RPS6KA6: variants seen among roughly 807,000 people sequenced by gnomAD.
RPS6KA6 encodes the protein ribosomal protein S6 kinase A6, also known as ribosomal protein S6 kinase alpha-6.
A neutral mutation model predicts 65.4 loss-of-function variants in RPS6KA6; 27 were observed. That is an observed-to-expected ratio of 0.41 (90% confidence interval 0.30 to 0.57). The LOEUF is 0.57. Among genes scored for constraint, RPS6KA6 ranks in the 20% least tolerant of loss-of-function variants. RPS6KA6 has a pLI of 0.24. For synonymous variants in RPS6KA6, 190 were observed against 184.2 expected (o/e 1.03, Z -0.26); for missense variants, 486 against 555.6 (o/e 0.87, Z 1.26).
chrX:84,158,341 T>C (rs182729530), intron 2 of RPS6KA6, among the ~76,000 whole-genome samples: 17 of 110,790 alleles, frequency 1.5e-4, no homozygotes, highest in East Asian at 1.4e-3. Context: ...ATATATACAA[T>C]AGAAAATAAA....
At chrX:84,108,145 T>C (rs1292537477) in intron 12 of RPS6KA6, among the ~76,000 whole-genome samples, 1 of 112,061 alleles carries the variant, frequency 8.9e-6, no homozygotes, top group Non-Finnish European at 1.9e-5. Flanking sequence ...TATCAGATAA[T>C]TGAAAATTTA....
chrX:84,132,377 T>TA (rs1446457464), intron 8 of RPS6KA6, among the ~76,000 whole-genome samples: 1 of 110,015 alleles, frequency 9.1e-6, no homozygotes, highest in Non-Finnish European at 1.9e-5. Flanking sequence ...AATAATAATT[T>TA]AAAAAAAGGC....
At chrX:84,127,425 T>C (rs2034815719) in intron 8 of RPS6KA6, among the ~76,000 whole-genome samples, 1 of 111,072 alleles carries the variant, frequency 9.0e-6, no homozygotes. Flanking sequence ...GTTCATAATA[T>C]TCCAAAAAAT....
intron 1 of RPS6KA6, among the ~76,000 whole-genome samples, chrX:84,168,291 C>T (rs1234678655): frequency 2.7e-5 from 3 of 111,762 alleles, no homozygotes; most frequent in East Asian, 2.8e-4. Flanking sequence ...ACATGATTCA[C>T]GTTTACTCAG....
In RPS6KA6 at chrX:84,104,579, G is replaced by C; in HGVS notation, c.1534C>G (p.Gln512Glu). 1 of 1,183,535 alleles carries C rather than the reference G, an allele frequency of 8.4e-7. No individual in the cohort carries two copies. The stretch of plus-strand genomic sequence containing the variant: ...GCCTCCCGTTCCGAGAAACATTTTT[G>C]TTTGAGAATACGGTCAAGTAACTCT... ...GGELLDRILK[Q>E]KCFSEREASD... Residue 512 changes from glutamine to glutamate, a missense_variant, in exon 17 of 22, where the codon CAA becomes GAA. Gln to Glu is a conservative substitution (Grantham distance 29). Coordinates refer to ENST00000262752, the MANE Select transcript of RPS6KA6 (RefSeq NM_014496.5).
chrX:84,110,753 T>C (rs897839697), intron 12 of RPS6KA6, among the ~76,000 whole-genome samples: 2 of 110,906 alleles, frequency 1.8e-5, no homozygotes, highest in Non-Finnish European at 3.8e-5. Flanking sequence ...CTTCTACAGA[T>C]AAGAAGGAAC....
intron 6 of RPS6KA6, among the ~76,000 whole-genome samples, chrX:84,141,634 A>C (rs1569231342): frequency 9.0e-6 from 1 of 111,437 alleles, no homozygotes; most frequent in Non-Finnish European, 1.9e-5. Flanking sequence ...CCACACATTA[A>C]AATATAAAGA....
rs997764440 is a variant in RPS6KA6, at chrX:84,082,534, T to A, written c.1971+13660A>T. ...TGGCCATAGTGCCCAAAGTAATTTA[T>A]AGATTCAATGCTATTCCCATCAAGC... is the stretch of plus-strand genomic sequence containing the variant. On this transcript the variant is annotated intron_variant, in intron 20 of 21. Coordinates refer to ENST00000262752, the MANE Select transcript of RPS6KA6 (RefSeq NM_014496.5). Among the ~76,000 whole-genome samples, 4 of 112,116 alleles carry A rather than the reference T, an allele frequency of 3.6e-5. No individual in the cohort carries two copies. The South Asian group carries it at 1.1e-3, about 31-fold the overall frequency.
intron 6 of RPS6KA6, among the ~76,000 whole-genome samples, chrX:84,142,542 A>C (rs1197993461): frequency 9.0e-6 from 1 of 111,551 alleles, no homozygotes; most frequent in African/African-American, 3.2e-5. Context: ...GAATACAGAA[A>C]AATCAATGAA....
At chrX:84,092,642 A>C (rs2034071013) in intron 20 of RPS6KA6, among the ~76,000 whole-genome samples, 1 of 110,330 alleles carries the variant, frequency 9.1e-6, no homozygotes, top group South Asian at 3.9e-4. Flanking sequence ...ATGCAATGAG[A>C]CATCACCTCA....
chrX:84,113,296 C>G (rs2034501366), intron 12 of RPS6KA6, among the ~76,000 whole-genome samples: 1 of 111,292 alleles, frequency 9.0e-6, no homozygotes, highest in Non-Finnish European at 1.9e-5. Context: ...GTTGGGAATC[C>G]TTCCTAATTA....
intron 20 of RPS6KA6, among the ~76,000 whole-genome samples, chrX:84,068,283 T>TA (rs1215167359): frequency 6.2e-5 from 7 of 112,284 alleles, no homozygotes; most frequent in Non-Finnish European, 1.3e-4. Flanking sequence ...ATTTTCAATG[T>TA]AAATGGGCTA....
At chrX:84,106,789 T>G in intron 14 of RPS6KA6, 121 bp downstream of exon 14, 1 of 587,351 alleles carries the variant, frequency 1.7e-6, no homozygotes. Context: ...AATTCATGAT[T>G]TATACCAATA....
At chrX:84,122,364 T>G (rs985263839) in intron 8 of RPS6KA6, among the ~76,000 whole-genome samples, 2 of 68,684 alleles carry the variant, frequency 2.9e-5, no homozygotes, top group South Asian at 2.0e-3. Flanking sequence ...TTTTTAAGTT[T>G]TTTTTTTTTT....
chrX:84,173,041 G>A (rs1812095238), intron 1 of RPS6KA6, among the ~76,000 whole-genome samples: 2 of 110,643 alleles, frequency 1.8e-5, no homozygotes, highest in South Asian at 7.7e-4. Flanking sequence ...TAGATTGGCT[G>A]CACAATAATG....
At chrX:84,116,412 T>G (rs73625970) in intron 11 of RPS6KA6, 125 bp from the exon 12 acceptor site, 67 of 355,398 alleles carry the variant, frequency 1.9e-4, no homozygotes, top group African/African-American at 1.1e-3. Flanking sequence ...GAAAAATACA[T>G]GATTTCTTAT....
At chrX:84,075,232 A>AAAACAAAC (rs201423965) in intron 20 of RPS6KA6, among the ~76,000 whole-genome samples, 5 of 110,971 alleles carry the variant, frequency 4.5e-5, no homozygotes, top group East Asian at 2.9e-4. Flanking sequence ...ACTCCGTCGC[A>AAAACAAAC]AAACAAACAA....
At chrX:84,078,762 A>AGAAT (rs1346546522) in intron 20 of RPS6KA6, among the ~76,000 whole-genome samples, 1 of 111,627 alleles carries the variant, frequency 9.0e-6, no homozygotes, top group African/African-American at 3.3e-5. Context: ...TGTGTGCCAG[A>AGAAT]GAATGAGGTG....
chrX:84,145,573 A>C lies in RPS6KA6; in HGVS notation c.422-16T>G. The C allele has an allele frequency of 1.0e-6, 1 of 952,637 alleles. No individual in the cohort carries two copies. The highest frequency in any genetic ancestry group is 1.5e-6 in the Non-Finnish European group (1 of 688,776). The allele number at this position is 952,637 out of a possible 1,213,427, so 78.5% of individuals were successfully genotyped here. ...GTCTGAAAGGCTAATTAAAAATTAG[A>C]ATATAGTAACAGGATAATCTCAAAG... is the stretch of plus-strand genomic sequence containing the variant. On this transcript the variant is annotated splice_polypyrimidine_tract_variant and intron_variant, in intron 5 of 21. Transcript: ENST00000262752.
Sources: gnomAD v4.1 joint callset for allele counts (sites outside exome capture counted in the v4.1 genomes callset) on GRCh38, gnomAD v4.1.1 for gene constraint, MANE v1.5 for transcripts, NCBI Gene and HGNC (gene_info 2026-07-23, HGNC 2026-07-21) for gene names.